SEC24A: variants seen among roughly 807,000 people sequenced by gnomAD.
The protein encoded by SEC24A is SEC24 homolog A, COPII component.
SEC24A carries 93 observed loss-of-function variants against 129.4 expected under a neutral mutation model. That is an observed-to-expected ratio of 0.72 (90% CI 0.61 to 0.85). SEC24A has a LOEUF of 0.85. Among genes scored for constraint, SEC24A ranks in the 40% least tolerant of loss-of-function variants. SEC24A has a pLI of 0.00. For missense variants in SEC24A, 1,264 were observed against 1,307.4 expected, an observed-to-expected ratio of 0.97 and a Z score of 0.51; for synonymous variants, 460 against 467.3, an observed-to-expected ratio of 0.98 and a Z score of 0.20.
chr5:134,682,603 A>G (rs1751314256), intron 9 of SEC24A, 121 bp downstream of exon 9: 1 of 533,840 alleles, frequency 1.9e-6, no homozygotes, highest in African/African-American at 1.9e-5. Context: ...TTTCACTCTC[A>G]TTGCCCATGC....
intron 4 of SEC24A, among the ~76,000 whole-genome samples, chr5:134,672,966 C>G (rs544443203): frequency 6.6e-6 from 1 of 151,636 alleles, no homozygotes; most frequent in African/African-American, 2.4e-5. Flanking sequence ...GGTCTCGAAC[C>G]CTTGGCTTGA....
At chr5:134,700,753 C>T (rs1488771407) in intron 15 of SEC24A, among the ~76,000 whole-genome samples, 2 of 149,360 alleles carry the variant, frequency 1.3e-5, no homozygotes, top group Non-Finnish European at 3.0e-5. Flanking sequence ...ACATCTTGCT[C>T]TTTTGTCCAG....
At chr5:134,679,784 C>T in intron 8 of SEC24A, 56 bp downstream of exon 8, 1 of 1,372,164 alleles carries the variant, frequency 7.3e-7, no homozygotes, top group Non-Finnish European at 9.8e-7. Context: ...GTAGGGAAAT[C>T]AGATGATACA....
intron 1 of SEC24A, among the ~76,000 whole-genome samples, chr5:134,655,227 G>A (rs184728931): frequency 5.6e-4 from 85 of 152,274 alleles, no homozygotes; most frequent in African/African-American, 2.0e-3. Flanking sequence ...ATCTCAATTT[G>A]TACCATTATT....
At chr5:134,677,640 C>G (rs547118494) in intron 7 of SEC24A, among the ~76,000 whole-genome samples, 4 of 151,586 alleles carry the variant, frequency 2.6e-5, no homozygotes, top group South Asian at 4.2e-4. Context: ...GAATTCAAGA[C>G]CAGCCTGGCC....
intron 11 of SEC24A, 112 bp from the exon 12 acceptor site, chr5:134,692,490 G>A: frequency 4.9e-6 from 3 of 613,046 alleles, no homozygotes; most frequent in East Asian, 5.7e-5. Context: ...TAATAGTGGA[G>A]GAGGTGGCTT....
intron 8 of SEC24A, among the ~76,000 whole-genome samples, chr5:134,680,707 A>G (rs1230766711): frequency 6.7e-6 from 1 of 150,160 alleles, no homozygotes; most frequent in East Asian, 2.0e-4. Context: ...TAGTGGCATG[A>G]TCTCAGCTCA....
intron 18 of SEC24A, among the ~76,000 whole-genome samples, chr5:134,711,563 CTTTTT>C (rs11306983): frequency 9.4e-4 from 118 of 125,372 alleles, no homozygotes; most frequent in African/African-American, 3.2e-3. Flanking sequence ...TGCTCTGCAT[CTTTTT>C]TTTTTTTTTT....
At chr5:134,680,052 C>T (rs767404817) in intron 8 of SEC24A, among the ~76,000 whole-genome samples, 36 of 152,108 alleles carry the variant, frequency 2.4e-4, no homozygotes, top group Non-Finnish European at 3.7e-4. Context: ...AATTGTCCCA[C>T]GCCTTTTCTC....
intron 18 of SEC24A, among the ~76,000 whole-genome samples, chr5:134,709,303 T>G (rs1415492878): frequency 6.6e-6 from 1 of 152,198 alleles, no homozygotes; most frequent in Non-Finnish European, 1.5e-5. Flanking sequence ...TATGTAACTT[T>G]ATGCTGGTTA....
intron 8 of SEC24A, among the ~76,000 whole-genome samples, chr5:134,680,032 T>A (rs962078441): frequency 1.3e-5 from 2 of 152,150 alleles, no homozygotes; most frequent in Non-Finnish European, 2.9e-5. Context: ...AAGAAACATT[T>A]TTATTTAGAA....
rs373767947 is a variant in SEC24A at position 134,674,715 on chromosome 5, T to G, written c.918T>G (p.Gly306=). The G allele has an allele frequency of 3.2e-5, 52 of 1,613,984 alleles. No homozygotes were observed. Among genetic ancestry groups the G allele is most frequent in the Non-Finnish European group, 4.4e-5 (52 of 1,180,004 alleles). ...PPGYQNTTPP[G]ATGVPPSSLN... ...GTTATCAGAACACAACACCACCTGG[T>G]GCAACTGGAGTACCACCCTCTTCCT... The change falls in exon 5 of 23, where the codon GGT becomes GGG. Residue 306 remains glycine, a synonymous_variant. Transcript: ENST00000398844.
Position 134,651,934 on chromosome 5 carries a change from CTTTTTTT to C in SEC24A, c.97+2772_97+2778del, listed in dbSNP as rs11294954. On this transcript the variant is annotated intron_variant, in intron 1 of 22. Coordinates refer to ENST00000398844, the MANE Select transcript of SEC24A (RefSeq NM_021982.3). ...ATGCTTGCATATTCTGTTGAAAACT[CTTTTTTT>C]TTTTTTTTTTGATGGAGTTTCACTT... Among the ~76,000 whole-genome samples the C allele has an allele frequency of 1.9e-4, 26 of 135,264 alleles. No individual in the cohort carries two copies. In the South Asian group the frequency reaches 4.9e-3, roughly 26 times the overall value. 88.7% of individuals were successfully genotyped at this position (135,264 alleles called of 152,430 possible).
chr5:134,690,121 T>C (rs113200715), intron 11 of SEC24A, among the ~76,000 whole-genome samples: 7,218 of 152,154 alleles, frequency 0.047, 301 homozygotes, highest in African/African-American at 0.12. Context: ...CAGGTTCAAG[T>C]GATTTTCCTA....
chr5:134,708,118 A>G (rs1205766322), intron 17 of SEC24A, among the ~76,000 whole-genome samples: 6 of 151,954 alleles, frequency 3.9e-5, no homozygotes, highest in Non-Finnish European at 5.9e-5. Flanking sequence ...GACAGAGCGA[A>G]ACTCTGTCTC....
chr5:134,695,618 C>G (rs543129319), intron 13 of SEC24A, among the ~76,000 whole-genome samples: 60 of 152,104 alleles, frequency 3.9e-4, no homozygotes, highest in African/African-American at 1.2e-3. Context: ...AACCCTGTCT[C>G]TACTAAAAAT....
At chr5:134,677,134 CT>C (rs1194834924) in intron 7 of SEC24A, among the ~76,000 whole-genome samples, 2 of 152,054 alleles carry the variant, frequency 1.3e-5, no homozygotes, top group Admixed American at 1.3e-4. Flanking sequence ...AATCCCAGCA[CT>C]TTTGGAGGCC....
At position 134,666,852 on chromosome 5, in the gene SEC24A, C is replaced by T. The variant is rs761929857; in HGVS notation, c.595C>T (p.Pro199Ser). 1.2e-6 allele frequency: 2 copies of T among 1,614,120 alleles called. No homozygotes were observed. Among genetic ancestry groups the T allele is most frequent in the South Asian group, 1.1e-5 (1 of 91,078 alleles). ...TTCTGTACCTCCCTTAGTGAATCCA[C>T]CTCTGCCTACAACTTTTCAACCAGG... ...GPSVPPLVNP[P>S]LPTTFQPGAP... Residue 199 changes from proline (P) to serine (S), a missense_variant, in exon 3 of 23, where the codon CCT becomes TCT. Coordinates refer to ENST00000398844, the MANE Select transcript of SEC24A (RefSeq NM_021982.3).
chr5:134,717,808 G>A lies in SEC24A; in HGVS notation c.2866-261G>A, dbSNP rs571865486. Among the ~76,000 whole-genome samples, 965 of 152,086 alleles carry A rather than the reference G, an allele frequency of 6.3e-3. 4 individuals carry two copies. The highest frequency in any genetic ancestry group is 7.9e-3 in the Non-Finnish European group (539 of 67,990). On this transcript the variant is annotated intron_variant, in intron 19 of 22. Transcript: ENST00000398844. ...TGCATGCCTGTAATCCCAGCTACTC[G>A]GGAGGCTGAGGCAGGAGAATCGCTT...
Sources: gnomAD v4.1 joint callset for allele counts (sites outside exome capture counted in the v4.1 genomes callset) on GRCh38, gnomAD v4.1.1 for gene constraint, MANE v1.5 for transcripts, NCBI Gene and HGNC (gene_info 2026-07-23, HGNC 2026-07-21) for gene names.